The following CDC42BPA variants were observed in gnomAD, a reference collection of about 807,000 sequenced individuals.
CDC42BPA encodes serine/threonine-protein kinase MRCK alpha.
In CDC42BPA, 80 loss-of-function variants were observed where a neutral mutation model predicts 223.5. That is an observed-to-expected ratio of 0.36 (90% CI 0.30 to 0.43). The LOEUF is 0.43. Among genes scored for constraint, CDC42BPA ranks in the 20% least tolerant of loss-of-function variants. CDC42BPA has a pLI of 1.00. For synonymous variants in CDC42BPA, 694 were observed against 718.6 expected, an observed-to-expected ratio of 0.97 and a Z score of 0.55; for missense variants, 1,743 against 2,099.9, an observed-to-expected ratio of 0.83 and a Z score of 3.32.
In CDC42BPA at chr1:227,059,463, G is replaced by A. The variant is rs997494777; in HGVS notation, c.2905-7478C>T. ...ATGTTACAAATATTTACACACATAA[G>A]ACTCTCAAGGACTACTATTGTATTA... On this transcript the variant is annotated intron_variant, in intron 21 of 36. Coordinates refer to ENST00000366766, the MANE Select transcript of CDC42BPA (RefSeq NM_001394014.1). 18 of 1,399,302 alleles carry A rather than the reference G, an allele frequency of 1.3e-5. 1 individual carries two copies. The African/African-American group carries it at 2.6e-4, about 20-fold the overall frequency. 86.7% of individuals were successfully genotyped at this position (1,399,302 alleles called of 1,614,324 possible). A position where few individuals can be genotyped will look rare whatever the true frequency, so the allele number is the denominator to read the frequency against.
At chr1:227,019,084 G>T (rs973123223) in intron 32 of CDC42BPA, among the ~76,000 whole-genome samples, 2 of 152,138 alleles carry the variant, frequency 1.3e-5, no homozygotes, top group Non-Finnish European at 2.9e-5. Flanking sequence ...ATGCTGTTTG[G>T]TAACATTTTA....
Position 227,089,742 on chromosome 1 carries a change from G to A in CDC42BPA, c.2355+2144C>T, listed in dbSNP as rs145725360. Among the ~76,000 whole-genome samples, 5 of 149,054 alleles carry A rather than the reference G, an allele frequency of 3.4e-5. No individual in the cohort carries two copies. The East Asian group carries it at 1.0e-3, about 30-fold the overall frequency. On this transcript the variant is annotated intron_variant, in intron 16 of 36. Coordinates refer to ENST00000366766, the MANE Select transcript of CDC42BPA (RefSeq NM_001394014.1). Reference sequence around the variant, plus strand: ...CCATTTCTCATGGATGTATTAGACTGCAACACAATTTTAATCAAATGAGAA... The same window carrying A: ...CCATTTCTCATGGATGTATTAGACTACAACACAATTTTAATCAAATGAGAA...
At chr1:227,189,649 T>C in intron 5 of CDC42BPA, among the ~76,000 whole-genome samples, 1 of 152,202 alleles carries the variant, frequency 6.6e-6, no homozygotes, top group East Asian at 1.9e-4. Context: ...TTAGAAAATA[T>C]TTTACTTTAA....
intron 12 of CDC42BPA, among the ~76,000 whole-genome samples, chr1:227,114,668 A>G (rs1024092526): frequency 2.0e-5 from 3 of 152,142 alleles, no homozygotes; most frequent in African/African-American, 7.2e-5. Flanking sequence ...TAATCCAAAA[A>G]ATTTGAAATC....
intron 14 of CDC42BPA, among the ~76,000 whole-genome samples, chr1:227,108,628 C>T (rs544632488): frequency 6.6e-6 from 1 of 152,248 alleles, no homozygotes; most frequent in East Asian, 1.9e-4. Flanking sequence ...CCATAGGGCA[C>T]TGATTCCAGG....
intron 15 of CDC42BPA, among the ~76,000 whole-genome samples, 163 bp downstream of exon 15, chr1:227,100,829 C>T (rs779102838): frequency 6.7e-6 from 1 of 150,098 alleles, no homozygotes; most frequent in Non-Finnish European, 1.5e-5. Flanking sequence ...ATTATCATCC[C>T]ATTTGCTTTT....
chr1:227,129,484 A>G (rs570689537), intron 10 of CDC42BPA, among the ~76,000 whole-genome samples: 1 of 151,818 alleles, frequency 6.6e-6, no homozygotes, highest in Non-Finnish European at 1.5e-5. Context: ...ACTGGGCAAC[A>G]GAATGACACC....
At chr1:227,167,081 A>G (rs1281977274) in intron 5 of CDC42BPA, among the ~76,000 whole-genome samples, 1 of 152,198 alleles carries the variant, frequency 6.6e-6, no homozygotes, top group African/African-American at 2.4e-5. Context: ...TCACTGAGCT[A>G]AGATTTTGGC....
At chr1:227,185,036 T>C (rs1668528156) in intron 5 of CDC42BPA, among the ~76,000 whole-genome samples, 2 of 152,192 alleles carry the variant, frequency 1.3e-5, no homozygotes, top group African/African-American at 4.8e-5. Context: ...AGTGTTTATC[T>C]TTATAACATC....
At chr1:227,079,193 A>G (rs1382306018) in intron 17 of CDC42BPA, among the ~76,000 whole-genome samples, 1 of 152,272 alleles carries the variant, frequency 6.6e-6, no homozygotes, top group Admixed American at 6.5e-5. Context: ...CTAAATAAAA[A>G]GTAGGGTTAA....
At chr1:227,220,673 C>A (rs1005422093) in intron 2 of CDC42BPA, among the ~76,000 whole-genome samples, 1 of 134,256 alleles carries the variant, frequency 7.4e-6, no homozygotes, top group Non-Finnish European at 1.6e-5. Flanking sequence ...AATGTTTTTG[C>A]GCTTCATACC....
chr1:227,263,298 ATAG>A (rs1684411932), intron 1 of CDC42BPA, among the ~76,000 whole-genome samples: 2 of 152,202 alleles, frequency 1.3e-5, no homozygotes, highest in African/African-American at 2.4e-5. Flanking sequence ...TTTACATAAT[ATAG>A]TAGTTTATAT....
At chr1:227,172,486 A>G (rs1233326734) in intron 5 of CDC42BPA, among the ~76,000 whole-genome samples, 2 of 152,238 alleles carry the variant, frequency 1.3e-5, no homozygotes, top group Non-Finnish European at 2.9e-5. Flanking sequence ...TTTAAAATGT[A>G]ATTCAAAGAA....
intron 15 of CDC42BPA, among the ~76,000 whole-genome samples, chr1:227,098,153 TA>T (rs1436391511): frequency 1.3e-5 from 2 of 152,154 alleles, no homozygotes; most frequent in African/African-American, 4.8e-5. Context: ...ACAAGGACAC[TA>T]AATTTGCCTG....
chr1:227,114,436 C>A (rs1687454289), intron 12 of CDC42BPA, among the ~76,000 whole-genome samples: 5 of 143,596 alleles, frequency 3.5e-5, no homozygotes, highest in African/African-American at 5.2e-5. Context: ...CTAAAGGAAC[C>A]AGTAAAGCTT....
chr1:227,312,850 A>G (rs541736655), intron 1 of CDC42BPA, among the ~76,000 whole-genome samples: 63 of 152,134 alleles, frequency 4.1e-4, no homozygotes, highest in African/African-American at 1.5e-3. Flanking sequence ...AGCGTGTAGC[A>G]TCTCCCCCTT....
intron 1 of CDC42BPA, among the ~76,000 whole-genome samples, chr1:227,261,504 C>T (rs1471606533): frequency 4.1e-5 from 6 of 147,104 alleles, no homozygotes; most frequent in Non-Finnish European, 7.4e-5. Flanking sequence ...CCCACACATA[C>T]ACAAATACAC....
chr1:226,996,881 G>A (rs188119171), intron 35 of CDC42BPA, among the ~76,000 whole-genome samples: 10 of 152,256 alleles, frequency 6.6e-5, no homozygotes, highest in Admixed American at 2.6e-4. Context: ...GAGGATTTTC[G>A]CATCAATGTT....
intron 17 of CDC42BPA, among the ~76,000 whole-genome samples, chr1:227,074,969 T>C (rs1455921643): frequency 6.6e-6 from 1 of 152,174 alleles, no homozygotes; most frequent in Admixed American, 6.6e-5. Context: ...ACAGAAAGTT[T>C]TCAAATTATA....
Sources: allele counts gnomAD v4.1 joint callset (sites outside exome capture counted in the v4.1 genomes callset), GRCh38; gene constraint gnomAD v4.1.1; transcripts MANE v1.5; gene names NCBI Gene and HGNC (gene_info 2026-07-23, HGNC 2026-07-21).